ADAMTSL1: variants seen among roughly 807,000 people sequenced by gnomAD.
ADAMTSL1 encodes ADAMTS like 1, also known as ADAMTS-like protein 1.
Under a neutral mutation model 201.8 loss-of-function variants are expected in ADAMTSL1, and 126 were observed. The ratio of observed to expected loss-of-function variants is 0.62; its 90% CI spans 0.54 to 0.72. ADAMTSL1 has a LOEUF of 0.72. Among genes scored for constraint, ADAMTSL1 ranks in the 30% least tolerant of loss-of-function variants. The pLI, the probability that ADAMTSL1 is intolerant of heterozygous loss-of-function variation, is 0.00. For synonymous variants in ADAMTSL1, 1,121 were observed against 903.4 expected (o/e 1.24, Z -4.32); for missense variants, 2,679 against 2,277.8 (o/e 1.18, Z -3.59).
chr9:18,628,417 G>A (rs1242404720), intron 5 of ADAMTSL1, among the ~76,000 whole-genome samples: 2 of 152,000 alleles, frequency 1.3e-5, no homozygotes, highest in Admixed American at 6.6e-5. Context: ...TCTGTTTCTG[G>A]ACTCTATTCT....
chr9:18,692,428 C>T (rs1252298263), intron 13 of ADAMTSL1, among the ~76,000 whole-genome samples: 2 of 152,156 alleles, frequency 1.3e-5, no homozygotes, highest in African/African-American at 4.8e-5. Flanking sequence ...TCTGTCACCG[C>T]AGTTGCTCGT....
intron 2 of ADAMTSL1, among the ~76,000 whole-genome samples, chr9:18,331,821 T>G (rs561212397): frequency 6.6e-6 from 1 of 152,330 alleles, no homozygotes; most frequent in African/African-American, 2.4e-5. Flanking sequence ...AATCCAGCAA[T>G]GGAACTAAAA....
chr9:17,908,324 A>G (rs930913007), intron 1 of ADAMTSL1, among the ~76,000 whole-genome samples: 12 of 152,174 alleles, frequency 7.9e-5, no homozygotes, highest in African/African-American at 2.9e-4. Flanking sequence ...CGTTAGGGCC[A>G]CACCCCAGCT....
At chr9:18,345,874 C>T (rs1005305274) in intron 2 of ADAMTSL1, among the ~76,000 whole-genome samples, 2 of 151,980 alleles carry the variant, frequency 1.3e-5, no homozygotes, top group Admixed American at 6.6e-5. Context: ...CAGGTGATAC[C>T]CCAAATCAAT....
chr9:18,489,360 G>T (rs1049168600), intron 1 of ADAMTSL1, among the ~76,000 whole-genome samples: 1 of 152,104 alleles, frequency 6.6e-6, no homozygotes, highest in African/African-American at 2.4e-5. Flanking sequence ...TTTGTAAATT[G>T]TTAAGTCTAT....
chr9:18,779,522 G>T (rs6475245), intron 19 of ADAMTSL1, among the ~76,000 whole-genome samples: 37,146 of 152,132 alleles, frequency 0.24, 4,864 homozygotes, highest in Middle Eastern at 0.34. Flanking sequence ...GAGGGACAGA[G>T]GTTGGACCCA....
chr9:18,752,513 C>G (rs538896777), intron 15 of ADAMTSL1, among the ~76,000 whole-genome samples: 1 of 152,180 alleles, frequency 6.6e-6, no homozygotes, highest in African/African-American at 2.4e-5. Context: ...GAGCTTTGTC[C>G]TTATCATTCC....
At chr9:18,064,600 A>G (rs551813268) in intron 1 of ADAMTSL1, among the ~76,000 whole-genome samples, 1 of 152,284 alleles carries the variant, frequency 6.6e-6, no homozygotes, top group East Asian at 1.9e-4. Context: ...TCCTTTTTAT[A>G]TGCCCTATAA....
intron 1 of ADAMTSL1, among the ~76,000 whole-genome samples, chr9:17,949,899 A>C (rs1415770720): frequency 6.6e-6 from 1 of 152,016 alleles, no homozygotes; most frequent in African/African-American, 2.4e-5. Context: ...CTCCACCTCA[A>C]ATTTTGTTAC....
chr9:18,491,099 G>C (rs140890840), intron 1 of ADAMTSL1, among the ~76,000 whole-genome samples: 1 of 152,188 alleles, frequency 6.6e-6, no homozygotes, highest in Non-Finnish European at 1.5e-5. Flanking sequence ...GATAGCAGCC[G>C]TGTGTGAAAT....
chr9:18,226,825 G>GA (rs915521407), intron 2 of ADAMTSL1, among the ~76,000 whole-genome samples: 1 of 151,988 alleles, frequency 6.6e-6, no homozygotes, highest in South Asian at 2.1e-4. Context: ...AAAATCAGAA[G>GA]AAAAAAATTA....
At chr9:18,788,420 A>G (rs1313726755) in intron 19 of ADAMTSL1, among the ~76,000 whole-genome samples, 1 of 125,736 alleles carries the variant, frequency 8.0e-6, no homozygotes, top group Non-Finnish European at 1.6e-5. Context: ...AGGCCAAACC[A>G]TATGCCTGCC....
In ADAMTSL1 at chr9:18,086,431, C is replaced by G. The variant is rs1823773664; in HGVS notation, c.88-77431C>G. 2.0e-5 allele frequency among the ~76,000 whole-genome samples: 3 copies of G among 152,056 alleles called. No homozygotes were observed. In the South Asian group the frequency reaches 6.2e-4, roughly 31 times the overall value. ...TAAAAAAAAAAAGCAAAATAAACAGCCAAAATCAATTTCTTTAAGAGCCAT... is the reference window on the plus strand; with the variant it reads ...TAAAAAAAAAAAGCAAAATAAACAGGCAAAATCAATTTCTTTAAGAGCCAT... On this transcript the variant is annotated intron_variant, in intron 1 of 29. Coordinates refer to the ADAMTSL1 transcript ENST00000680146.
chr9:17,956,115 A>T (rs938192721), intron 1 of ADAMTSL1, among the ~76,000 whole-genome samples: 2 of 152,212 alleles, frequency 1.3e-5, no homozygotes, highest in African/African-American at 2.4e-5. Context: ...CCATGGAACT[A>T]ATATTATGCA....
chr9:18,535,329 C>A (rs372315447), intron 3 of ADAMTSL1, among the ~76,000 whole-genome samples: 1 of 152,338 alleles, frequency 6.6e-6, no homozygotes, highest in Admixed American at 6.5e-5. Flanking sequence ...ACCACCCCAG[C>A]CTGGACTTTG....
At chr9:18,467,886 C>T (rs1023422447) in intron 2 of ADAMTSL1, among the ~76,000 whole-genome samples, 2 of 152,146 alleles carry the variant, frequency 1.3e-5, no homozygotes, top group Non-Finnish European at 2.9e-5. Flanking sequence ...TGTATATTGT[C>T]TATAAATCTG....
chr9:18,314,121 C>G (rs1834264968), intron 2 of ADAMTSL1, among the ~76,000 whole-genome samples: 1 of 152,088 alleles, frequency 6.6e-6, no homozygotes, highest in African/African-American at 2.4e-5. Context: ...CAAATCAAAA[C>G]CACAGTGAGA....
chr9:18,681,841 A>C lies in ADAMTSL1; in HGVS notation c.1371A>C (p.Arg457Ser), dbSNP rs2133177729. The C allele has an allele frequency of 6.2e-7, 1 of 1,613,782 alleles. No homozygotes were observed. The highest frequency in any genetic ancestry group is 2.2e-5 in the East Asian group (1 of 44,868). Residue 457 changes from arginine (R) to serine (S), a missense_variant, in exon 12 of 29, where the codon AGA (arginine) becomes AGC (serine). By Grantham distance (110) the Arg-to-Ser change is moderately radical (BLOSUM62 -1). Transcript: ENST00000380548. ...PCTVTCGQGLRYRVVLCIDHR... is the reference protein window; with the variant it reads ...PCTVTCGQGLSYRVVLCIDHR... ...CAGTGACATGTGGCCAGGGCCTCAG[A>C]TACCGTGTGGTCCTCTGCATCGACC... is the stretch of plus-strand genomic sequence containing the variant.
At chr9:18,012,052 T>A (rs1219352980) in intron 1 of ADAMTSL1, among the ~76,000 whole-genome samples, 1 of 152,000 alleles carries the variant, frequency 6.6e-6, no homozygotes, top group African/African-American at 2.4e-5. Flanking sequence ...TTCCTTCCAT[T>A]TCTAGAGAAA....
Sources: allele counts gnomAD v4.1 joint callset (sites outside exome capture counted in the v4.1 genomes callset), GRCh38; gene constraint gnomAD v4.1.1; transcripts MANE v1.5; gene names NCBI Gene and HGNC (gene_info 2026-07-23, HGNC 2026-07-21).